Variants in PDE1A observed in about 807,000 individuals in gnomAD.
PDE1A encodes phosphodiesterase 1A.
Under a neutral mutation model 61.7 loss-of-function variants are expected in PDE1A, and 35 were observed. That is an observed-to-expected ratio of 0.57 (90% confidence interval 0.43 to 0.75). The LOEUF (loss-of-function observed/expected upper bound fraction) is 0.75, where lower values mean the gene tolerates loss of function less well. Among genes scored for constraint, PDE1A ranks in the 30% least tolerant of loss-of-function variants. PDE1A has a pLI of 0.00. For missense variants in PDE1A, 597 were observed against 630.6 expected (o/e 0.95, Z 0.57); for synonymous variants, 232 against 213.2 (o/e 1.09, Z -0.77).
chr2:182,262,966 T>TGTGTGTGTGC (rs1692332506), intron 2 of PDE1A, among the ~76,000 whole-genome samples: 1 of 151,532 alleles, frequency 6.6e-6, no homozygotes, highest in South Asian at 2.1e-4. Context: ...TGTGTGTGTG[T>TGTGTGTGTGC]GTGTGTGTGT....
At chr2:182,201,530 A>T in exon 10 of PDE1A, 1 of 1,613,996 alleles carries the variant, frequency 6.2e-7, no homozygotes. Flanking sequence ...TGCGTGGAGA[A>T]TCAGGGACAT....
At chr2:182,604,969 A>G in the PDE1A span, among the ~76,000 whole-genome samples, 1 of 152,144 alleles carries the variant, frequency 6.6e-6, no homozygotes. Context: ...AACGTTTCTT[A>G]AAGTGTGACT....
In PDE1A at chr2:182,197,056, C is replaced by A. The variant is rs565008705; in HGVS notation, c.1125+4383G>T. 2.0e-5 allele frequency among the ~76,000 whole-genome samples: 3 copies of A among 151,772 alleles called. No individual in the cohort carries two copies. In the South Asian group the frequency reaches 6.2e-4, roughly 32 times the overall value. On this transcript the variant is annotated intron_variant, in intron 10 of 13. Transcript: ENST00000351439. ...TCCCACCTGTGATGTATGTATGATA[C>A]CTCCAGTTGTTCCTCATTTTTGGTA...
At chr2:182,443,238 C>T (rs945412474) in intron 2 of PDE1A, among the ~76,000 whole-genome samples, 4 of 151,536 alleles carry the variant, frequency 2.6e-5, no homozygotes, top group African/African-American at 9.7e-5. Flanking sequence ...GATAAAACTC[C>T]CATTTGCTTA....
the PDE1A span, among the ~76,000 whole-genome samples, chr2:182,575,425 T>A: frequency 6.6e-6 from 1 of 151,852 alleles, no homozygotes; most frequent in African/African-American, 2.4e-5. Flanking sequence ...CAGGTGGCAA[T>A]CTTAACTTCT....
intron 1 of PDE1A, among the ~76,000 whole-genome samples, chr2:182,264,878 C>CATATATATATATAT (rs148358464): frequency 0.26 from 27,723 of 106,404 alleles, 5,753 homozygotes; most frequent in Middle Eastern, 0.34. Flanking sequence ...TATATATATA[C>CATATATATATATAT]ATATATATAT....
chr2:182,436,428 T>C (rs1684415218), intron 2 of PDE1A, among the ~76,000 whole-genome samples: 2 of 152,016 alleles, frequency 1.3e-5, no homozygotes, highest in Non-Finnish European at 2.9e-5. Context: ...TCAGTAGTGC[T>C]TTCCCAAGCC....
chr2:182,303,147 A>G (rs1245489211), intron 1 of PDE1A, among the ~76,000 whole-genome samples: 1 of 152,204 alleles, frequency 6.6e-6, no homozygotes, highest in South Asian at 2.1e-4. Context: ...GGAATCATAA[A>G]TGTCATCTAG....
chr2:182,163,894 T>C (rs1405989254), downstream of PDE1A, among the ~76,000 whole-genome samples: 4 of 152,154 alleles, frequency 2.6e-5, no homozygotes, highest in Non-Finnish European at 4.4e-5. Context: ...CAGATAGGTA[T>C]GCTGTTTGGA....
At chr2:182,414,211 A>C (rs1047137430) in intron 1 of PDE1A, among the ~76,000 whole-genome samples, 15 of 152,148 alleles carry the variant, frequency 9.9e-5, no homozygotes, top group African/African-American at 3.4e-4. Flanking sequence ...AATGAATGGA[A>C]GGAAGAGACT....
intron 2 of PDE1A, among the ~76,000 whole-genome samples, chr2:182,253,030 G>A (rs1056301640): frequency 1.3e-5 from 2 of 152,180 alleles, no homozygotes; most frequent in African/African-American, 2.4e-5. Context: ...TCGACTTTAT[G>A]ATGGGATCAG....
intron 1 of PDE1A, among the ~76,000 whole-genome samples, chr2:182,332,907 C>CA (rs35394100): frequency 0.37 from 55,697 of 151,336 alleles, 12,242 homozygotes; most frequent in Non-Finnish European, 0.48. Context: ...GAAAGCAAGA[C>CA]AAAAAAAAGC....
At chr2:182,278,740 C>T (rs1157491398) in intron 1 of PDE1A, among the ~76,000 whole-genome samples, 3 of 152,000 alleles carry the variant, frequency 2.0e-5, no homozygotes, top group Non-Finnish European at 4.4e-5. Context: ...AAGGAGCCTT[C>T]ACTCTGGTAA....
At chr2:182,376,672 C>T (rs955962870) in intron 1 of PDE1A, among the ~76,000 whole-genome samples, 2 of 152,148 alleles carry the variant, frequency 1.3e-5, no homozygotes, top group African/African-American at 2.4e-5. Flanking sequence ...TCAGCAATGC[C>T]CAACTCTAAT....
At chr2:182,601,046 G>A in the PDE1A span, among the ~76,000 whole-genome samples, 23,595 of 152,154 alleles carry the variant, frequency 0.16, 2,111 homozygotes, top group Middle Eastern at 0.24. Flanking sequence ...TTTTCTGGCC[G>A]GAAACCTCTG....
At chr2:182,401,101 G>A (rs1229442082) in intron 1 of PDE1A, among the ~76,000 whole-genome samples, 4 of 152,102 alleles carry the variant, frequency 2.6e-5, no homozygotes, top group Admixed American at 2.0e-4. Context: ...AGTATAAAGA[G>A]GAGCTAGTAC....
the PDE1A span, among the ~76,000 whole-genome samples, chr2:182,615,718 T>G: frequency 6.6e-6 from 1 of 152,114 alleles, no homozygotes; most frequent in Non-Finnish European, 1.5e-5. Flanking sequence ...AGGTGCTTGG[T>G]GCTGCATCAT....
At chr2:182,221,257 T>G in intron 7 of PDE1A, among the ~76,000 whole-genome samples, 1 of 152,026 alleles carries the variant, frequency 6.6e-6, no homozygotes, top group East Asian at 1.9e-4. Context: ...CCCACTGGCC[T>G]TTACTTTTCA....
intron 1 of PDE1A, among the ~76,000 whole-genome samples, chr2:182,273,991 T>C (rs543910308): frequency 6.6e-6 from 1 of 152,126 alleles, no homozygotes; most frequent in Admixed American, 6.6e-5. Context: ...CTGACCGAGG[T>C]GTTGGCAGAT....
Sources: allele counts gnomAD v4.1 joint callset (sites outside exome capture counted in the v4.1 genomes callset), GRCh38; gene constraint gnomAD v4.1.1; transcripts MANE v1.5; gene names NCBI Gene and HGNC (gene_info 2026-07-23, HGNC 2026-07-21).